The following SPMIP7 variants were observed in gnomAD, a reference collection of about 807,000 sequenced individuals.
The protein encoded by SPMIP7 is sperm microtubule inner protein 7.
the SPMIP7 span, among the ~76,000 whole-genome samples, chr7:50,148,067 GT>G: frequency 6.6e-6 from 1 of 152,164 alleles, no homozygotes; most frequent in African/African-American, 2.4e-5. Flanking sequence ...AGTCTAAAGT[GT>G]TCCCCAGAGA....
At chr7:50,108,117 A>G in the SPMIP7 span, among the ~76,000 whole-genome samples, 20 of 152,202 alleles carry the variant, frequency 1.3e-4, 1 homozygote, top group Non-Finnish European at 2.2e-4. Context: ...CTTTTATTAG[A>G]AGAAACTAAG....
At chr7:50,110,439 TTTATATA>T in the SPMIP7 span, among the ~76,000 whole-genome samples, 17 of 147,340 alleles carry the variant, frequency 1.2e-4, no homozygotes, top group African/African-American at 3.9e-4. Flanking sequence ...TTGTATATAG[TTTATATA>T]TTATATATTG....
At chr7:50,139,488 A>G in the SPMIP7 span, among the ~76,000 whole-genome samples, 1 of 152,054 alleles carries the variant, frequency 6.6e-6, no homozygotes, top group Non-Finnish European at 1.5e-5. Flanking sequence ...CTAAAACTTT[A>G]TTGGTATATT....
At chr7:50,102,853 G>C in the SPMIP7 span, among the ~76,000 whole-genome samples, 1 of 151,316 alleles carries the variant, frequency 6.6e-6, no homozygotes, top group Non-Finnish European at 1.5e-5. Flanking sequence ...ATTAATTATA[G>C]TTTTTATAAC....
chr7:50,098,388 T>C, the SPMIP7 span, among the ~76,000 whole-genome samples: 1 of 152,224 alleles, frequency 6.6e-6, no homozygotes, highest in Non-Finnish European at 1.5e-5. Context: ...CCAGTCTTTG[T>C]TATCACAGAA....
chr7:50,134,387 C>T, the SPMIP7 span: 86 of 538,560 alleles, frequency 1.6e-4, no homozygotes, highest in South Asian at 7.5e-4. Context: ...AATATATATA[C>T]ACACACACAC....
chr7:50,149,481 A>G, the SPMIP7 span, among the ~76,000 whole-genome samples: 21 of 152,340 alleles, frequency 1.4e-4, no homozygotes, highest in Non-Finnish European at 2.1e-4. Context: ...GCTGAAGCCC[A>G]GAGAGCTTTC....
the SPMIP7 span, among the ~76,000 whole-genome samples, chr7:50,100,164 TC>T: frequency 6.6e-6 from 1 of 152,142 alleles, no homozygotes; most frequent in African/African-American, 2.4e-5. Context: ...CAGAAGCCAG[TC>T]CTCTGGGGAG....
At chr7:50,154,163 G>T in the SPMIP7 span, among the ~76,000 whole-genome samples, 288 of 152,136 alleles carry the variant, frequency 1.9e-3, 1 homozygote, top group South Asian at 8.3e-3. Flanking sequence ...TGACATATGG[G>T]TATATAGTAA....
the SPMIP7 span, among the ~76,000 whole-genome samples, chr7:50,143,279 A>G: frequency 3.3e-5 from 5 of 150,384 alleles, no homozygotes; most frequent in Non-Finnish European, 1.5e-5. Flanking sequence ...ATTCTCCTGC[A>G]TCAGCCTCCT....
the SPMIP7 span, among the ~76,000 whole-genome samples, chr7:50,119,962 C>T: frequency 6.6e-6 from 1 of 152,150 alleles, no homozygotes; most frequent in Non-Finnish European, 1.5e-5. Flanking sequence ...CTATGTAGGC[C>T]TATGGGTGAA....
the SPMIP7 span, among the ~76,000 whole-genome samples, chr7:50,145,606 GTA>G: frequency 0.11 from 4,340 of 37,778 alleles, 786 homozygotes; most frequent in South Asian, 0.21. Context: ...GTGTGTGTGT[GTA>G]TATGTGTGTG....
chr7:50,099,792 G>C, the SPMIP7 span, among the ~76,000 whole-genome samples: 2 of 152,096 alleles, frequency 1.3e-5, no homozygotes, highest in Non-Finnish European at 2.9e-5. Flanking sequence ...AGAGAAGCTG[G>C]GGTCCTGGAT....
At chr7:50,134,225 A>G in the SPMIP7 span, 1 of 1,544,910 alleles carries the variant, frequency 6.5e-7, no homozygotes, top group Non-Finnish European at 8.7e-7. Flanking sequence ...AAAGATATAA[A>G]GGGGTGCCAG....
At chr7:50,125,423 A>T in the SPMIP7 span, among the ~76,000 whole-genome samples, 1 of 65,716 alleles carries the variant, frequency 1.5e-5, no homozygotes, top group African/African-American at 6.9e-5. Flanking sequence ...GAAACTAGAA[A>T]AATGATTAAA....
the SPMIP7 span, among the ~76,000 whole-genome samples, chr7:50,125,261 C>CATATATAT: frequency 1.3e-4 from 6 of 45,130 alleles, 2 homozygotes; most frequent in African/African-American, 8.8e-4. Flanking sequence ...CATATATATA[C>CATATATAT]ACACATATAT....
the SPMIP7 span, among the ~76,000 whole-genome samples, chr7:50,103,446 C>G: frequency 2.0e-5 from 3 of 152,242 alleles, no homozygotes; most frequent in Non-Finnish European, 4.4e-5. Flanking sequence ...CAGGTTGAGT[C>G]TGAGGTTTTC....
chr7:50,131,393 T>C, the SPMIP7 span, among the ~76,000 whole-genome samples: 3 of 152,154 alleles, frequency 2.0e-5, no homozygotes, highest in Admixed American at 2.0e-4. Flanking sequence ...ATAAAGATGT[T>C]CATTAGACAT....
the SPMIP7 span, among the ~76,000 whole-genome samples, chr7:50,097,817 A>G: frequency 1.3e-5 from 2 of 152,218 alleles, no homozygotes; most frequent in Non-Finnish European, 2.9e-5. Flanking sequence ...TTCTTCATAC[A>G]TAAATTAGGA....
Sources: gnomAD v4.1 joint callset for allele counts (sites outside exome capture counted in the v4.1 genomes callset) on GRCh38, gnomAD v4.1.1 for gene constraint, MANE v1.5 for transcripts, NCBI Gene and HGNC (gene_info 2026-07-23, HGNC 2026-07-21) for gene names.